VPS13C: variants seen among roughly 807,000 people sequenced by gnomAD.
VPS13C encodes the protein vacuolar protein sorting 13 homolog C, also known as intermembrane lipid transfer protein VPS13C.
In VPS13C, 358 loss-of-function variants were observed where a neutral mutation model predicts 456.8. That is an observed-to-expected ratio of 0.78 (90% confidence interval 0.72 to 0.86). The LOEUF is 0.86. Among genes scored for constraint, VPS13C ranks in the 40% least tolerant of loss-of-function variants. VPS13C has a pLI of 0.00. For synonymous variants in VPS13C, 1,578 were observed against 1,486.7 expected (o/e 1.06, Z -1.41); for missense variants, 4,818 against 4,385.4 (o/e 1.10, Z -2.79).
intron 16 of VPS13C, among the ~76,000 whole-genome samples, chr15:61,999,089 T>C (rs1379732723): frequency 6.6e-6 from 1 of 152,108 alleles, no homozygotes; most frequent in Admixed American, 6.6e-5. Context: ...AATCTAAAGT[T>C]ATACACAGGC....
At chr15:61,967,544 T>G in intron 28 of VPS13C, 97 bp from the exon 29 acceptor site, 2 of 929,062 alleles carry the variant, frequency 2.2e-6, no homozygotes, top group Non-Finnish European at 3.2e-6. Context: ...AATTAAGCTT[T>G]AAAAGAAAAT....
intron 9 of VPS13C, among the ~76,000 whole-genome samples, chr15:62,017,115 C>T (rs563796726): frequency 9.0e-4 from 136 of 150,854 alleles, no homozygotes; most frequent in African/African-American, 3.0e-3. Context: ...TCATATCCTT[C>T]GCACACTTGT....
intron 61 of VPS13C, among the ~76,000 whole-genome samples, chr15:61,914,879 A>T (rs199649081): frequency 0.18 from 5,256 of 29,576 alleles, 252 homozygotes; most frequent in East Asian, 0.48. Flanking sequence ...ACTCTGCCTT[A>T]AAAAAAAAAA....
At chr15:62,002,835 C>A (rs28763421) in intron 15 of VPS13C, among the ~76,000 whole-genome samples, 11 of 151,856 alleles carry the variant, frequency 7.2e-5, no homozygotes, top group African/African-American at 2.2e-4. Context: ...GTTGTAGATA[C>A]GAGGCGTTAT....
intron 77 of VPS13C, among the ~76,000 whole-genome samples, chr15:61,874,635 T>A (rs1895278709): frequency 6.6e-6 from 1 of 151,968 alleles, no homozygotes; most frequent in Admixed American, 6.6e-5. Flanking sequence ...AGAAAAGGAA[T>A]AAAATTATTT....
chr15:61,931,036 T>C lies in VPS13C; in HGVS notation c.6038+54A>G, dbSNP rs1427108776. 1.0e-5 allele frequency: 16 copies of C among 1,599,264 alleles called. No individual in the cohort carries two copies. In the South Asian group the frequency reaches 1.5e-4, roughly 15 times the overall value. ...CTAGCCTAGCAATGCCTGGCAGCCA[T>C]GCAGGTGCAATGTCAACCTTAAATA... On this transcript the variant is annotated intron_variant, in intron 50 of 84. Coordinates refer to ENST00000644861, the MANE Select transcript of VPS13C (RefSeq NM_020821.3).
chr15:61,938,286 T>C (rs1231253251), intron 47 of VPS13C, among the ~76,000 whole-genome samples: 1 of 151,448 alleles, frequency 6.6e-6, no homozygotes, highest in Non-Finnish European at 1.5e-5. Flanking sequence ...GGGGAACAAG[T>C]ATGAAGGACA....
At chr15:61,990,794 G>C (rs957085541) in intron 18 of VPS13C, among the ~76,000 whole-genome samples, 3 of 152,138 alleles carry the variant, frequency 2.0e-5, no homozygotes, top group Non-Finnish European at 2.9e-5. Flanking sequence ...CTGGGTGACA[G>C]AGCGAGACTC....
rs2047107313 is a variant in VPS13C at position 62,013,130 on chromosome 15, A to G, written c.745-11T>C. 6.3e-7 allele frequency: 1 copy of G among 1,585,014 alleles called. No individual in the cohort carries two copies. The highest frequency in any genetic ancestry group is 8.6e-7 in the Non-Finnish European group (1 of 1,163,858). On this transcript the variant is annotated splice_polypyrimidine_tract_variant and intron_variant, in intron 10 of 84. Coordinates refer to ENST00000644861, the MANE Select transcript of VPS13C (RefSeq NM_020821.3). ...ATCAAGTCGTATAAGCTATAAGAGA[A>G]AAATGAAAGAGATCAGGCAATCAAC...
intron 8 of VPS13C, 66 bp downstream of exon 8, chr15:62,023,345 T>C (rs896165202): frequency 1.0e-5 from 10 of 995,574 alleles, no homozygotes; most frequent in African/African-American, 8.5e-5. Context: ...AATCCACATA[T>C]AGAAAAGTCA....
intron 66 of VPS13C, among the ~76,000 whole-genome samples, chr15:61,897,974 A>G (rs1191879013): frequency 6.6e-6 from 1 of 152,238 alleles, no homozygotes; most frequent in Non-Finnish European, 1.5e-5. Flanking sequence ...AAGAATTTTC[A>G]ACCCAGAATT....
intron 48 of VPS13C, chr15:61,935,804 G>A (rs1313409544): frequency 6.6e-6 from 1 of 152,172 alleles, no homozygotes; most frequent in Non-Finnish European, 1.5e-5. Context: ...AGGAGAAGCA[G>A]TGTTGATATG....
At chr15:61,901,621 G>A (rs1459114002) in intron 66 of VPS13C, among the ~76,000 whole-genome samples, 1 of 152,122 alleles carries the variant, frequency 6.6e-6, no homozygotes, top group Non-Finnish European at 1.5e-5. Flanking sequence ...AACAGGTGCT[G>A]GAGAGGATGT....
At chr15:62,005,419 G>C (rs191866944) in intron 15 of VPS13C, among the ~76,000 whole-genome samples, 1 of 152,042 alleles carries the variant, frequency 6.6e-6, no homozygotes, top group Non-Finnish European at 1.5e-5. Flanking sequence ...GTCTCTGCAC[G>C]TGAGATGGGT....
intron 12 of VPS13C, among the ~76,000 whole-genome samples, chr15:62,011,177 A>C (rs567198970): frequency 6.6e-6 from 1 of 152,226 alleles, no homozygotes; most frequent in South Asian, 2.1e-4. Context: ...ATGATAGGGG[A>C]ATGCAAGGTG....
intron 49 of VPS13C, among the ~76,000 whole-genome samples, chr15:61,931,474 C>A (rs2044053795): frequency 1.3e-5 from 2 of 151,094 alleles, no homozygotes; most frequent in South Asian, 4.2e-4. Flanking sequence ...GAATATCCAA[C>A]AATGATTAGT....
At chr15:61,912,120 A>G in intron 62 of VPS13C, 116 bp from the exon 63 acceptor site, 1 of 966,916 alleles carries the variant, frequency 1.0e-6, no homozygotes. Context: ...ATTCTTAAAT[A>G]AAGCAACTAT....
At chr15:61,932,128 C>A (rs2044079387) in intron 49 of VPS13C, among the ~76,000 whole-genome samples, 1 of 152,038 alleles carries the variant, frequency 6.6e-6, no homozygotes, top group East Asian at 1.9e-4. Context: ...TTCACAAAAG[C>A]CATTTAGTGG....
intron 59 of VPS13C, 47 bp downstream of exon 59, chr15:61,918,089 C>T: frequency 6.6e-7 from 1 of 1,520,200 alleles, no homozygotes; most frequent in Non-Finnish European, 8.8e-7. Flanking sequence ...GAATATAAAT[C>T]CCCAACTCAA....
Sources: allele counts gnomAD v4.1 joint callset (sites outside exome capture counted in the v4.1 genomes callset), GRCh38; gene constraint gnomAD v4.1.1; transcripts MANE v1.5; gene names NCBI Gene and HGNC (gene_info 2026-07-23, HGNC 2026-07-21).